THUMPD3: variants seen among roughly 807,000 people sequenced by gnomAD.
THUMPD3 encodes the protein THUMP domain 3 tRNA guanosine methyltransferase, also known as tRNA (guanine(6)-N(2))-methyltransferase THUMP3.
In THUMPD3, 44 loss-of-function variants were observed where a neutral mutation model predicts 54.5. That is an observed-to-expected ratio of 0.81 (90% CI 0.63 to 1.04). THUMPD3 has a LOEUF of 1.04. Among genes scored for constraint, THUMPD3 ranks in the 50% least tolerant of loss-of-function variants. THUMPD3 has a pLI of 0.00. For missense variants in THUMPD3, 604 were observed against 601.3 expected (o/e 1.00, Z -0.05); for synonymous variants, 196 against 201.4 (o/e 0.97, Z 0.23).
Position 9,383,318 on chromosome 3 carries a change from T to C in THUMPD3, c.1235+9T>C. The C allele has an allele frequency of 6.5e-7, 1 of 1,549,734 alleles. No individual in the cohort carries two copies. Among genetic ancestry groups the C allele is most frequent in the Non-Finnish European group, 8.9e-7 (1 of 1,121,512 alleles). On this transcript the variant is annotated intron_variant, in intron 8 of 9. Coordinates refer to ENST00000452837, the MANE Select transcript of THUMPD3 (RefSeq NM_001114092.2). ...TTGCCATTTGGAAAAAGGTGAGAAA[T>C]ACTAGTACCTGCTTGTCTTCTAAAT...
chr3:9,380,430 CTT>C (rs750600824), intron 6 of THUMPD3, 71 bp from the exon 7 acceptor site: 32 of 1,039,068 alleles, frequency 3.1e-5, no homozygotes, highest in Non-Finnish European at 4.5e-5. Context: ...ACTGGATTTT[CTT>C]TGTTTGTTGA....
At chr3:9,383,692 C>T (rs7638655) in intron 8 of THUMPD3, among the ~76,000 whole-genome samples, 19,934 of 151,346 alleles carry the variant, frequency 0.13, 1,651 homozygotes, top group Non-Finnish European at 0.19. Context: ...GGTATGATCT[C>T]GGCTCACTGT....
rs1172346360 is a variant in THUMPD3 at position 9,371,377 on chromosome 3, A to G, written c.648A>G (p.Ser216=). 6.2e-7 allele frequency: 1 copy of G among 1,614,188 alleles called. No homozygotes were observed. Among genetic ancestry groups the G allele is most frequent in the African/African-American group, 1.3e-5 (1 of 75,068 alleles). The stretch of plus-strand genomic sequence containing the variant: ...GCAAAGATGAGACTGATGAAAGCTC[A>G]AAAGAAGAAACTGAGCCTCAAGTGC... ...ASCKDETDES[S]KEETEPQVLK... Residue 216 remains serine (S), a synonymous_variant, in exon 4 of 10, where the codon TCA becomes TCG. Transcript: ENST00000452837.
chr3:9,383,302 G>A lies in THUMPD3; in HGVS notation c.1228G>A (p.Gly410Arg), dbSNP rs777498533. Residue 410 changes from glycine to arginine, a missense_variant, in exon 8 of 10, where the codon GGA becomes AGA. Transcript: ENST00000452837. Reference sequence around the variant, plus strand: ...TATTATTGTAACAGATTTGCCATTTGGAAAAAGGTGAGAAATACTAGTACC... The same window carrying A: ...TATTATTGTAACAGATTTGCCATTTAGAAAAAGGTGAGAAATACTAGTACC... The part of the protein sequence containing the change: ...VDIIVTDLPF[G>R]KRMGSKKRNW... The A allele has an allele frequency of 1.2e-6, 2 of 1,609,148 alleles. No homozygotes were observed. Among genetic ancestry groups the A allele is most frequent in the Non-Finnish European group, 1.7e-6 (2 of 1,175,730 alleles).
In THUMPD3 at chr3:9,384,704, CTTG is replaced by C; in HGVS notation, c.*18_*20del. 6.2e-7 allele frequency: 1 copy of C among 1,613,160 alleles called. No homozygotes were observed. On this transcript the variant is annotated 3_prime_UTR_variant, in exon 10 of 10. Transcript: ENST00000452837. ...CAAAGAATGAAGATGACTAATAGTACTTGTACTTCCCACCACTGGAAATGTTAG... is the reference window on the plus strand; with the variant it reads ...CAAAGAATGAAGATGACTAATAGTACTACTTCCCACCACTGGAAATGTTAG...
intron 6 of THUMPD3, 92 bp downstream of exon 6, chr3:9,377,980 G>T: frequency 9.4e-7 from 1 of 1,064,480 alleles, no homozygotes; most frequent in Non-Finnish European, 1.4e-6. Context: ...AATCTCCATG[G>T]TTGGATCAGT....
intron 8 of THUMPD3, among the ~76,000 whole-genome samples, chr3:9,383,706 C>T (rs997688417): frequency 6.6e-6 from 1 of 151,824 alleles, no homozygotes; most frequent in African/African-American, 2.4e-5. Context: ...TCACTGTAAC[C>T]TCTGCCTCCC....
chr3:9,379,488 C>A (rs2032715268), intron 6 of THUMPD3, among the ~76,000 whole-genome samples: 1 of 152,204 alleles, frequency 6.6e-6, no homozygotes, highest in Non-Finnish European at 1.5e-5. Flanking sequence ...CAGAGGCAGA[C>A]CTTTCCCGGC....
rs766008348 is a variant in THUMPD3, at chr3:9,384,475, G to A, written c.1360-49G>A. The A allele has an allele frequency of 1.9e-6, 3 of 1,611,444 alleles. No individual in the cohort carries two copies. In the South Asian group the frequency reaches 3.3e-5, roughly 18 times the overall value. ...TTGGCAGTTAAGAATCCTAGTTGAT[G>A]TAAAAGTAGATTGTCAACCTAATTG... On this transcript the variant is annotated intron_variant, in intron 9 of 9. Transcript: ENST00000452837.
In THUMPD3 at chr3:9,385,217, A is replaced by C. The variant is rs1232831525; in HGVS notation, c.*529A>C. On this transcript the variant is annotated 3_prime_UTR_variant, in exon 10 of 10. Transcript: ENST00000452837. ...GTAGCTTAATTAGTATTTTGTTGAA[A>C]ATACTTTAAAGATGCCTAGTGAAAA... 1 of 153,170 alleles carries C rather than the reference A, an allele frequency of 6.5e-6. No homozygotes were observed. The highest frequency in any genetic ancestry group is 2.4e-5 in the African/African-American group (1 of 41,456). The allele number at this position is 153,170 out of a possible 1,614,324, so 9.5% of individuals were successfully genotyped here.
chr3:9,367,180 A>C (rs2031633485), intron 3 of THUMPD3, among the ~76,000 whole-genome samples, 195 bp downstream of exon 3: 1 of 152,220 alleles, frequency 6.6e-6, no homozygotes, highest in Non-Finnish European at 1.5e-5. Context: ...TAGTATTGAA[A>C]ACCATTAAAG....
rs772055689 is a variant in THUMPD3, at chr3:9,371,277, A to G, written c.548A>G (p.His183Arg). 5 of 1,613,722 alleles carry G rather than the reference A, an allele frequency of 3.1e-6. No individual in the cohort carries two copies. Among genetic ancestry groups the G allele is most frequent in the East Asian group, 2.2e-5 (1 of 44,892 alleles). Reference sequence around the variant, plus strand: ...TTCACTAGCCATGCTTTAGATTCTCATATCTTAGATTATTATGAAAATCCA... The same window carrying G: ...TTCACTAGCCATGCTTTAGATTCTCGTATCTTAGATTATTATGAAAATCCA... Reference protein sequence around the residue: ...KEFTSHALDSHILDYYENPAI... With the variant: ...KEFTSHALDSRILDYYENPAI... The change falls in exon 4 of 10, where the codon CAT becomes CGT. Residue 183 changes from histidine (H) to arginine (R), a missense_variant. Coordinates refer to ENST00000452837, the MANE Select transcript of THUMPD3 (RefSeq NM_001114092.2).
chr3:9,384,300 G>A lies in THUMPD3; in HGVS notation c.1324G>A (p.Val442Ile). The change falls in exon 9 of 10, where the codon GTA becomes ATA. Residue 442 changes from valine to isoleucine, a missense_variant. Physicochemically the swap from Val to Ile is conservative, Grantham distance 29. Coordinates refer to ENST00000452837, the MANE Select transcript of THUMPD3 (RefSeq NM_001114092.2). The stretch of plus-strand genomic sequence containing the variant: ...CTGCACACCTACCACAGGCCGAGCT[G>A]TACTACTTACTCAAGACACAAAATG... ...RVCTPTTGRA[V>I]LLTQDTKCFT... is the part of the protein sequence containing the mutation. The A allele has an allele frequency of 6.2e-7, 1 of 1,614,156 alleles. No individual in the cohort carries two copies. The highest frequency in any genetic ancestry group is 1.7e-5 in the Admixed American group (1 of 60,022).
chr3:9,379,848 C>T (rs752494155), intron 6 of THUMPD3, among the ~76,000 whole-genome samples: 4 of 152,076 alleles, frequency 2.6e-5, no homozygotes, highest in South Asian at 4.1e-4. Context: ...CACACCATCA[C>T]ACCCAGCTGA....
chr3:9,366,767 A>G, intron 2 of THUMPD3, 141 bp from the exon 3 acceptor site: 1 of 602,776 alleles, frequency 1.7e-6, no homozygotes, highest in South Asian at 2.5e-5. Flanking sequence ...GAAACTAGGG[A>G]GATGGGACAT....
rs772714322 is a variant in THUMPD3, at chr3:9,384,378, T to G, written c.1359+43T>G. The G allele has an allele frequency of 2.5e-6, 4 of 1,598,134 alleles. No individual in the cohort carries two copies. The Admixed American group carries it at 5.2e-5, about 21-fold the overall frequency. Reference sequence around the variant, plus strand: ...TCAAAATCGCAGCCTGTGGCAACTTTGGGATCTTTTTGAGATTTGGGGATG... The same window carrying G: ...TCAAAATCGCAGCCTGTGGCAACTTGGGGATCTTTTTGAGATTTGGGGATG... On this transcript the variant is annotated intron_variant, in intron 9 of 9. Transcript: ENST00000452837.
chr3:9,377,129 G>C (rs372766615), intron 5 of THUMPD3, among the ~76,000 whole-genome samples: 3 of 152,068 alleles, frequency 2.0e-5, no homozygotes, highest in Non-Finnish European at 4.4e-5. Context: ...TTTGACTTGA[G>C]ACATTTTTGA....
chr3:9,376,648 T>G (rs2032477928), intron 5 of THUMPD3, among the ~76,000 whole-genome samples: 1 of 151,968 alleles, frequency 6.6e-6, no homozygotes, highest in South Asian at 2.1e-4. Flanking sequence ...ATCTGTCTTG[T>G]GAGGGAGATA....
intron 6 of THUMPD3, among the ~76,000 whole-genome samples, chr3:9,379,926 G>A (rs2032750888): frequency 6.6e-6 from 1 of 152,124 alleles, no homozygotes; most frequent in Non-Finnish European, 1.5e-5. Flanking sequence ...CTGGGCTCAA[G>A]AAATCCTCCT....
Sources: allele counts gnomAD v4.1 joint callset (sites outside exome capture counted in the v4.1 genomes callset), GRCh38; gene constraint gnomAD v4.1.1; transcripts MANE v1.5; gene names NCBI Gene and HGNC (gene_info 2026-07-23, HGNC 2026-07-21).